Variants in SAMD3 observed in about 807,000 individuals in gnomAD.
SAMD3 encodes the protein sterile alpha motif domain containing 3, also known as sterile alpha motif domain-containing protein 3.
A neutral mutation model predicts 58.5 loss-of-function variants in SAMD3; 63 were observed. The observed-to-expected ratio is 1.08, with a 90% CI of 0.88 to 1.33. The LOEUF (loss-of-function observed/expected upper bound fraction) is 1.33. SAMD3 is among the 40% of genes most tolerant of loss of function. SAMD3 has a pLI of 0.00. For missense variants in SAMD3, 604 were observed against 608.4 expected (o/e 0.99, Z 0.08); for synonymous variants, 220 against 210.3 (o/e 1.05, Z -0.40).
chr6:130,210,380 C>G (rs771298074), intron 4 of SAMD3, among the ~76,000 whole-genome samples: 1 of 151,918 alleles, frequency 6.6e-6, no homozygotes, highest in Non-Finnish European at 1.5e-5. Context: ...AGGTGGATCA[C>G]CTGAGGTCAG....
intron 2 of SAMD3, among the ~76,000 whole-genome samples, chr6:130,292,348 G>A (rs950148640): frequency 2.7e-5 from 4 of 147,416 alleles, no homozygotes; most frequent in Middle Eastern, 7.0e-3. Context: ...GTTCAGTGGC[G>A]CAATCTCAGC....
intron 2 of SAMD3, among the ~76,000 whole-genome samples, chr6:130,307,496 T>C (rs1324056152): frequency 6.6e-6 from 1 of 152,234 alleles, no homozygotes; most frequent in Non-Finnish European, 1.5e-5. Flanking sequence ...TATTCAAATA[T>C]TCTTTAAGAG....
At chr6:130,358,361 AG>A (rs1320622428) in intron 1 of SAMD3, among the ~76,000 whole-genome samples, 1 of 152,232 alleles carries the variant, frequency 6.6e-6, no homozygotes, top group African/African-American at 2.4e-5. Flanking sequence ...GATCTCATTA[AG>A]GATTCCAAAA....
intron 2 of SAMD3, among the ~76,000 whole-genome samples, chr6:130,308,415 A>ATTCTATTCT (rs1776017678): frequency 1.7e-4 from 20 of 120,606 alleles, no homozygotes; most frequent in African/African-American, 6.3e-4. Context: ...ATTCTATTCT[A>ATTCTATTCT]TTCTATTCTA....
intron 1 of SAMD3, among the ~76,000 whole-genome samples, chr6:130,347,638 G>C (rs561063751): frequency 1.3e-5 from 2 of 152,178 alleles, no homozygotes; most frequent in African/African-American, 4.8e-5. Flanking sequence ...ATGGAACCAA[G>C]TTGGAACACA....
At chr6:130,204,027 C>G (rs1794861471) in intron 5 of SAMD3, among the ~76,000 whole-genome samples, 1 of 151,992 alleles carries the variant, frequency 6.6e-6, no homozygotes, top group Non-Finnish European at 1.5e-5. Flanking sequence ...TTATTCTATA[C>G]CATTTCATTG....
At chr6:130,205,081 C>T (rs1256335275) in intron 5 of SAMD3, among the ~76,000 whole-genome samples, 1 of 149,946 alleles carries the variant, frequency 6.7e-6, no homozygotes, top group African/African-American at 2.5e-5. Context: ...TCAAGAAAGC[C>T]TGTAGTCAAA....
chr6:130,286,529 C>A (rs1378642791), intron 2 of SAMD3, among the ~76,000 whole-genome samples: 4 of 152,100 alleles, frequency 2.6e-5, no homozygotes, highest in African/African-American at 9.7e-5. Context: ...GTTTTTGCTT[C>A]AAATTTTCTC....
chr6:130,176,195 G>T (rs370628299), intron 7 of SAMD3, 187 bp from the exon 8 acceptor site: 13 of 667,098 alleles, frequency 1.9e-5, no homozygotes, highest in Middle Eastern at 2.4e-4. Context: ...CACTGCTACA[G>T]AAATTATAAA....
At chr6:130,234,471 C>T (rs756404676) in intron 2 of SAMD3, among the ~76,000 whole-genome samples, 1 of 152,166 alleles carries the variant, frequency 6.6e-6, no homozygotes, top group Non-Finnish European at 1.5e-5. Flanking sequence ...TTGACACACA[C>T]ATATATATCC....
chr6:130,225,218 G>A (rs1030566467), upstream of SAMD3, among the ~76,000 whole-genome samples: 1 of 152,198 alleles, frequency 6.6e-6, no homozygotes, highest in African/African-American at 2.4e-5. Context: ...GAAAGCCAAC[G>A]ACTGAGACAA....
At chr6:130,361,311 G>A (rs1394640039) in intron 1 of SAMD3, among the ~76,000 whole-genome samples, 1 of 152,178 alleles carries the variant, frequency 6.6e-6, no homozygotes, top group African/African-American at 2.4e-5. Context: ...CACAATCCAT[G>A]TTCTTCTGCC....
chr6:130,325,004 A>G (rs1193052796), intron 1 of SAMD3, among the ~76,000 whole-genome samples: 1 of 152,182 alleles, frequency 6.6e-6, no homozygotes, highest in African/African-American at 2.4e-5. Flanking sequence ...ACTGCCATAA[A>G]TATCAGTGGA....
intron 1 of SAMD3, among the ~76,000 whole-genome samples, chr6:130,360,137 G>T (rs1319177799): frequency 1.3e-5 from 2 of 152,150 alleles, no homozygotes; most frequent in Non-Finnish European, 2.9e-5. Context: ...ATATAAACAG[G>T]TGTTTCTAGA....
At chr6:130,354,788 C>T (rs139898795) in intron 1 of SAMD3, among the ~76,000 whole-genome samples, 5 of 152,252 alleles carry the variant, frequency 3.3e-5, no homozygotes, top group African/African-American at 1.2e-4. Context: ...GCACATGTAC[C>T]CGTAAACCTG....
intron 1 of SAMD3, among the ~76,000 whole-genome samples, chr6:130,327,724 T>C (rs1462260688): frequency 6.6e-6 from 1 of 152,276 alleles, no homozygotes; most frequent in Non-Finnish European, 1.5e-5. Context: ...AACCACCATA[T>C]TGAGAAGTAT....
At chr6:130,249,260 A>C (rs374938624) in intron 2 of SAMD3, among the ~76,000 whole-genome samples, 2 of 152,134 alleles carry the variant, frequency 1.3e-5, no homozygotes, top group Non-Finnish European at 2.9e-5. Context: ...ACTTACCCTA[A>C]TTGGCCAAAG....
At chr6:130,231,422 G>T (rs61742903) in intron 2 of SAMD3, among the ~76,000 whole-genome samples, 21,647 of 152,102 alleles carry the variant, frequency 0.14, 1,750 homozygotes, top group East Asian at 0.36. Flanking sequence ...AACTTAGCCA[G>T]GGGTGGCGAT....
chr6:130,218,530 C>G (rs528166220), intron 1 of SAMD3, among the ~76,000 whole-genome samples: 1 of 152,276 alleles, frequency 6.6e-6, no homozygotes, highest in South Asian at 2.1e-4. Flanking sequence ...AGATGTTAGT[C>G]ACCAAGACGT....
Sources: allele counts gnomAD v4.1 joint callset (sites outside exome capture counted in the v4.1 genomes callset), GRCh38; gene constraint gnomAD v4.1.1; transcripts MANE v1.5; gene names NCBI Gene and HGNC (gene_info 2026-07-23, HGNC 2026-07-21).